CNN3: variants seen among roughly 807,000 people sequenced by gnomAD.
The protein encoded by CNN3 is calponin-3.
Under a neutral mutation model 39.0 loss-of-function variants are expected in CNN3, and 11 were observed. The observed-to-expected ratio is 0.28, with a 90% CI of 0.18 to 0.47. The LOEUF (loss-of-function observed/expected upper bound fraction) is 0.47, where lower values mean the gene tolerates loss of function less well. CNN3 is among the 20% of genes least tolerant of loss of function. The pLI is 0.99. For missense variants in CNN3, 266 were observed against 403.4 expected, an observed-to-expected ratio of 0.66 and a Z score of 2.92; for synonymous variants, 101 against 138.3, an observed-to-expected ratio of 0.73 and a Z score of 1.89.
chr1:94,906,574 A>G (rs1242008603), intron 1 of CNN3, among the ~76,000 whole-genome samples: 2 of 152,212 alleles, frequency 1.3e-5, no homozygotes, highest in African/African-American at 4.8e-5. Flanking sequence ...CCTTGGCGCC[A>G]TGCCTGGCTC....
At chr1:94,901,030 G>A (rs1240136634) in intron 5 of CNN3, among the ~76,000 whole-genome samples, 1 of 152,020 alleles carries the variant, frequency 6.6e-6, no homozygotes, top group Non-Finnish European at 1.5e-5. Context: ...GACTATCCTG[G>A]GCAACAAAGT....
At chr1:94,912,700 G>T (rs1295687656) in intron 1 of CNN3, among the ~76,000 whole-genome samples, 13 of 152,212 alleles carry the variant, frequency 8.5e-5, no homozygotes, top group Admixed American at 8.5e-4. Flanking sequence ...ACCAGCCTAG[G>T]GAAATGCCTC....
At chr1:94,923,127 C>T (rs1050689236) in intron 1 of CNN3, among the ~76,000 whole-genome samples, 2 of 152,206 alleles carry the variant, frequency 1.3e-5, no homozygotes, top group Non-Finnish European at 2.9e-5. Context: ...TTCACTGCGT[C>T]CTCTCTTCCC....
intron 1 of CNN3, among the ~76,000 whole-genome samples, chr1:94,925,129 T>C (rs1671544824): frequency 6.6e-6 from 1 of 152,190 alleles, no homozygotes; most frequent in Non-Finnish European, 1.5e-5. Context: ...AGCATGGATA[T>C]TATTAACATC....
chr1:94,901,686 T>G lies in CNN3; in HGVS notation c.484A>C (p.Ser162Arg), dbSNP rs767862618. 5.6e-6 allele frequency: 9 copies of G among 1,613,254 alleles called. No homozygotes were observed. In the East Asian group the frequency reaches 1.8e-4, roughly 32 times the overall value. Residue 162 changes from serine (S) to arginine (R), a missense_variant, in exon 5 of 7, where the codon AGT (serine) becomes CGT (arginine). By Grantham distance (110) the Ser-to-Arg change is moderately radical. Coordinates refer to ENST00000370206, the MANE Select transcript of CNN3 (RefSeq NM_001839.5). Reference sequence around the variant, plus strand: ...TTACTTACCTGCAGACCAATTACACTTTGGCCAGCTTTTAATTTTCCTTCA... The same window carrying G: ...TTACTTACCTGCAGACCAATTACACGTTGGCCAGCTTTTAATTTTCCTTCA... ...FDEGKLKAGQ[S>R]VIGLQMGTNK...
chr1:94,906,950 G>A (rs1312615177), intron 1 of CNN3, among the ~76,000 whole-genome samples: 2 of 152,182 alleles, frequency 1.3e-5, no homozygotes, highest in Non-Finnish European at 2.9e-5. Context: ...AAATATCCTA[G>A]TAGATCCCAG....
At chr1:94,918,253 G>A (rs1671337138) in intron 1 of CNN3, among the ~76,000 whole-genome samples, 2 of 152,150 alleles carry the variant, frequency 1.3e-5, no homozygotes, top group African/African-American at 4.8e-5. Flanking sequence ...AGCATTTTGG[G>A]AGGCTGAGGC....
chr1:94,908,978 T>TA lies in CNN3; in HGVS notation c.58-5455_58-5454insT, dbSNP rs1403234579. Among the ~76,000 whole-genome samples the TA allele has an allele frequency of 7.3e-5, 4 of 54,518 alleles. No homozygotes were observed. In the Admixed American group the frequency reaches 9.9e-4, roughly 13 times the overall value. The allele number at this position is 54,518 out of a possible 152,430, so 35.8% of individuals were successfully genotyped here. A position where few individuals can be genotyped will look rare whatever the true frequency, so the allele number is the denominator to read the frequency against. ...AGGGCAATATAGGGAGCCCGTCTCT[T>TA]TAAAAAAAAAAAAAAAAAAATAGGC... is the stretch of plus-strand genomic sequence containing the variant. On this transcript the variant is annotated intron_variant, in intron 1 of 6. Transcript: ENST00000370206.
chr1:94,918,214 C>A (rs916369891), intron 1 of CNN3, among the ~76,000 whole-genome samples: 2 of 152,110 alleles, frequency 1.3e-5, no homozygotes, highest in Middle Eastern at 3.2e-3. Flanking sequence ...CTAATTGGGC[C>A]GGGCACAGTG....
chr1:94,917,895 A>G (rs964771129), intron 1 of CNN3, among the ~76,000 whole-genome samples: 3 of 152,204 alleles, frequency 2.0e-5, no homozygotes, highest in Admixed American at 1.3e-4. Context: ...TCATGCAGAG[A>G]TGACTTGTCC....
intron 1 of CNN3, among the ~76,000 whole-genome samples, chr1:94,921,392 C>T (rs1671439423): frequency 6.6e-6 from 1 of 152,004 alleles, no homozygotes; most frequent in South Asian, 2.1e-4. Flanking sequence ...GAGACTCCAT[C>T]TCAAAAAAAT....
At chr1:94,907,747 C>T (rs1258981321) in intron 1 of CNN3, among the ~76,000 whole-genome samples, 2 of 152,154 alleles carry the variant, frequency 1.3e-5, no homozygotes, top group Non-Finnish European at 2.9e-5. Context: ...GTAGTCCCAG[C>T]TACTTGGGAG....
chr1:94,924,308 G>A (rs1671523065), intron 1 of CNN3: 1 of 152,296 alleles, frequency 6.6e-6, no homozygotes, highest in South Asian at 2.1e-4. Flanking sequence ...ATGTCAAGAA[G>A]TGACAGGTGG....
At chr1:94,898,126 A>G in intron 6 of CNN3, 43 bp from the exon 7 acceptor site, 1 of 1,516,398 alleles carries the variant, frequency 6.6e-7, no homozygotes, top group Non-Finnish European at 9.0e-7. Context: ...AGCAGCTAGA[A>G]TCTATTCTTG....
rs1300648488 is a variant in CNN3 at position 94,897,829 on chromosome 1, C to T, written c.903G>A (p.Gln301=). 6.2e-7 allele frequency: 1 copy of T among 1,614,044 alleles called. No individual in the cohort carries two copies. Among genetic ancestry groups the T allele is most frequent in the Non-Finnish European group, 8.5e-7 (1 of 1,180,014 alleles). ...CATGATACTCATCAGGGTATTCTGC[C>T]TGATAATCACTATCACTGATTTCCG... is the stretch of plus-strand genomic sequence containing the variant. ...NGSEISDSDY[Q]AEYPDEYHGE... Residue 301 remains glutamine, a synonymous_variant, in exon 7 of 7, where the codon CAG becomes CAA. Coordinates refer to ENST00000370206, the MANE Select transcript of CNN3 (RefSeq NM_001839.5).
At chr1:94,901,877 C>A (rs1262259778) in intron 4 of CNN3, 92 bp from the exon 5 acceptor site, 2 of 870,074 alleles carry the variant, frequency 2.3e-6, no homozygotes, top group East Asian at 2.5e-5. Flanking sequence ...CAAAGGGGCC[C>A]AAACTAGAGA....
At chr1:94,915,220 T>G (rs1190900195) in intron 1 of CNN3, among the ~76,000 whole-genome samples, 8 of 152,102 alleles carry the variant, frequency 5.3e-5, no homozygotes, top group Admixed American at 5.2e-4. Context: ...TTAATGAGGA[T>G]GTGTGAAAAA....
At chr1:94,902,349 A>G in intron 3 of CNN3, 91 bp from the exon 4 acceptor site, 1 of 1,114,756 alleles carries the variant, frequency 9.0e-7, no homozygotes, top group Non-Finnish European at 1.3e-6. Context: ...CAGTTATAAG[A>G]CGCTGCCCAG....
rs2101720322 is a variant in CNN3 at position 94,903,392 on chromosome 1, C to A, written c.179+11G>T. The A allele has an allele frequency of 6.3e-7, 1 of 1,577,398 alleles. No individual in the cohort carries two copies. Among genetic ancestry groups the A allele is most frequent in the South Asian group, 1.2e-5 (1 of 83,198 alleles). On this transcript the variant is annotated intron_variant, in intron 2 of 6. Coordinates refer to ENST00000370206, the MANE Select transcript of CNN3 (RefSeq NM_001839.5). The stretch of plus-strand genomic sequence containing the variant: ...AAGAGCAGAAACAGATTCTGGAGGG[C>A]TGTAACTCACTCGCAGAGGATGATG...
Sources: allele counts gnomAD v4.1 joint callset (sites outside exome capture counted in the v4.1 genomes callset), GRCh38; gene constraint gnomAD v4.1.1; transcripts MANE v1.5; gene names NCBI Gene and HGNC (gene_info 2026-07-23, HGNC 2026-07-21).